The following UBE2O variants were observed in gnomAD, a reference collection of about 807,000 sequenced individuals.
The protein encoded by UBE2O is ubiquitin conjugating enzyme E2 O.
UBE2O carries 15 observed loss-of-function variants against 125.8 expected under a neutral mutation model. The ratio of observed to expected loss-of-function variants is 0.12; its 90% CI spans 0.08 to 0.18. The LOEUF (loss-of-function observed/expected upper bound fraction) is 0.18, where lower values mean the gene tolerates loss of function less well. Among genes scored for constraint, UBE2O ranks in the 10% least tolerant of loss-of-function variants. UBE2O has a pLI of 1.00. For missense variants in UBE2O, 1,280 were observed against 1,723.6 expected, an observed-to-expected ratio of 0.74 and a Z score of 4.56; for synonymous variants, 708 against 703.2, an observed-to-expected ratio of 1.01 and a Z score of -0.11.
rs988064731 is a variant in UBE2O at position 76,443,512 on chromosome 17, C to A, written c.417+9213G>T. Among the ~76,000 whole-genome samples the A allele has an allele frequency of 2.6e-5, 4 of 152,274 alleles. No homozygotes were observed. The South Asian group carries it at 8.3e-4, about 32-fold the overall frequency. On this transcript the variant is annotated intron_variant, in intron 1 of 17. Coordinates refer to ENST00000319380, the MANE Select transcript of UBE2O (RefSeq NM_022066.4). The stretch of plus-strand genomic sequence containing the variant: ...CCATGTTGGCCAGGCTGGTCTCGAA[C>A]TCCTGACCTCAAGTGATCCACCCAC...
chr17:76,411,346 T>C (rs535400155), intron 1 of UBE2O, among the ~76,000 whole-genome samples: 1 of 152,304 alleles, frequency 6.6e-6, no homozygotes, highest in South Asian at 2.1e-4. Context: ...CATGTCCCTG[T>C]AGGAGCGGAT....
intron 1 of UBE2O, among the ~76,000 whole-genome samples, chr17:76,428,214 T>C (rs2072843077): frequency 6.6e-6 from 1 of 152,218 alleles, no homozygotes; most frequent in African/African-American, 2.4e-5. Context: ...GTGACCCGTT[T>C]TTGCTCTTCG....
intron 1 of UBE2O, among the ~76,000 whole-genome samples, chr17:76,417,871 T>C (rs533104181): frequency 1.3e-5 from 2 of 152,304 alleles, no homozygotes; most frequent in East Asian, 1.9e-4. Flanking sequence ...ACCTGCAGAA[T>C]TGGGCAGAAA....
At chr17:76,434,774 C>CATTTT (rs1024634719) in intron 1 of UBE2O, among the ~76,000 whole-genome samples, 17 of 139,140 alleles carry the variant, frequency 1.2e-4, no homozygotes, top group African/African-American at 4.4e-4. Flanking sequence ...TTCACTTAAG[C>CATTTT]TTTTTTTTTT....
intron 1 of UBE2O, among the ~76,000 whole-genome samples, chr17:76,412,800 G>C (rs1198259350): frequency 2.0e-5 from 3 of 152,206 alleles, no homozygotes; most frequent in Non-Finnish European, 2.9e-5. Context: ...ACAAGGTCAG[G>C]AGTTCGAGAC....
intron 1 of UBE2O, among the ~76,000 whole-genome samples, chr17:76,424,916 G>C (rs1194473881): frequency 6.7e-6 from 1 of 149,136 alleles, no homozygotes; most frequent in Non-Finnish European, 1.5e-5. Flanking sequence ...TGTCACCCAG[G>C]CTGGAGTGCA....
intron 3 of UBE2O, among the ~76,000 whole-genome samples, chr17:76,403,902 C>G (rs2072373925): frequency 6.6e-6 from 1 of 152,076 alleles, no homozygotes; most frequent in African/African-American, 2.4e-5. Context: ...GAAGGGGTTC[C>G]CACTGGCTAA....
rs749991958 is a variant in UBE2O, at chr17:76,395,003, G to A, written c.2946+722C>T. Among the ~76,000 whole-genome samples the A allele has an allele frequency of 6.6e-6, 1 of 151,756 alleles. No homozygotes were observed. The highest frequency in any genetic ancestry group is 1.5e-5 in the Non-Finnish European group (1 of 67,988). ...TGATTCTCCTGCCTCAGTCTCCCGAGTAGCTGGGATTACTGGCACCCGCCA... is the reference window on the plus strand; with the variant it reads ...TGATTCTCCTGCCTCAGTCTCCCGAATAGCTGGGATTACTGGCACCCGCCA... On this transcript the variant is annotated intron_variant, in intron 15 of 17. Transcript: ENST00000319380. The surrounding 1 kb of genome is among the most constrained non-coding windows in gnomAD (Gnocchi z 5.0).
At chr17:76,446,452 CA>C (rs2073152547) in intron 1 of UBE2O, among the ~76,000 whole-genome samples, 2 of 122,240 alleles carry the variant, frequency 1.6e-5, no homozygotes, top group African/African-American at 6.9e-5. Flanking sequence ...AATGAAAAAA[CA>C]AAAACAAACA....
chr17:76,400,415 G>C lies in UBE2O; in HGVS notation c.1004+26C>G, dbSNP rs772084879. ...AGCCCTGTCCCACGCGTGCCCCTGG[G>C]TTGCTGGCAGTAAGGGCATGCTTAC... On this transcript the variant is annotated intron_variant, in intron 7 of 17. Coordinates refer to ENST00000319380, the MANE Select transcript of UBE2O (RefSeq NM_022066.4). This position sits in a 1 kb window ranked among gnomAD's most constrained non-coding sequence, Gnocchi z 4.3. 29 of 1,602,738 alleles carry C rather than the reference G, an allele frequency of 1.8e-5. No individual in the cohort carries two copies. The highest frequency in any genetic ancestry group is 2.4e-5 in the Non-Finnish European group (28 of 1,173,090).
intron 1 of UBE2O, among the ~76,000 whole-genome samples, chr17:76,426,441 T>A (rs2072811670): frequency 6.6e-6 from 1 of 152,250 alleles, no homozygotes; most frequent in African/African-American, 2.4e-5. Flanking sequence ...TTCATTGTGA[T>A]CCATGTGGAT....
At chr17:76,403,460 T>A (rs1430611746) in intron 3 of UBE2O, among the ~76,000 whole-genome samples, 2 of 151,972 alleles carry the variant, frequency 1.3e-5, no homozygotes, top group East Asian at 1.9e-4. Flanking sequence ...TTGGTTGAGA[T>A]GGGGTTTCGC....
chr17:76,441,547 AAAACTGAACCCATTGACATC>A (rs1401826638), intron 1 of UBE2O, among the ~76,000 whole-genome samples: 20 of 152,206 alleles, frequency 1.3e-4, no homozygotes, highest in African/African-American at 4.8e-4. Context: ...AAGACGTACT[AAAACTGAACCCATTGACATC>A]AACGAGGTTT....
In UBE2O at chr17:76,405,407, G is replaced by T; in HGVS notation, c.478-91C>A. 1 of 1,505,450 alleles carries T rather than the reference G, an allele frequency of 6.6e-7. No individual in the cohort carries two copies. Among genetic ancestry groups the T allele is most frequent in the Non-Finnish European group, 9.1e-7 (1 of 1,099,014 alleles). The allele number at this position is 1,505,450 out of a possible 1,614,324, so 93.3% of individuals were successfully genotyped here. ...CCCAGGCAACCCCAGCGCACCCCCT[G>T]CAGAGCTGGCCAGTTCTCCCACATG... On this transcript the variant is annotated intron_variant, in intron 2 of 17. Coordinates refer to ENST00000319380, the MANE Select transcript of UBE2O (RefSeq NM_022066.4). This position sits in a 1 kb window ranked among gnomAD's most constrained non-coding sequence, Gnocchi z 6.1.
In UBE2O at chr17:76,396,533, C is replaced by T. The variant is rs769730793; in HGVS notation, c.2404G>A (p.Ala802Thr). 2 of 1,613,126 alleles carry T rather than the reference C, an allele frequency of 1.2e-6. No homozygotes were observed. The highest frequency in any genetic ancestry group is 1.7e-6 in the Non-Finnish European group (2 of 1,179,688). The stretch of plus-strand genomic sequence containing the variant: ...CTCTTGGGTGGCCCGTCCTTGCCAG[C>T]CTTCTCCATCAGCCCGGCCATGGGG... ...AAPMAGLMEK[A>T]GKDGPPKSFR... The change falls in exon 14 of 18, where the codon GCT becomes ACT. Residue 802 changes from alanine (A) to threonine (T), a missense_variant. By Grantham distance (58) the Ala-to-Thr change is moderately conservative (BLOSUM62 0). Around this residue, in one of 10 missense-constraint regions of UBE2O, gnomAD observed 210 missense variants for 268.9 expected, o/e 0.78. Transcript: ENST00000319380. This position sits in a 1 kb window ranked among gnomAD's most constrained non-coding sequence, Gnocchi z 6.7.
At position 76,435,960 on chromosome 17, in the gene UBE2O, C is replaced by T. The variant is rs143081034; in HGVS notation, c.417+16765G>A. Among the ~76,000 whole-genome samples, 362 of 152,342 alleles carry T rather than the reference C, an allele frequency of 2.4e-3. 6 individuals are homozygous for T. Among genetic ancestry groups the T allele is most frequent in the African/African-American group, 7.7e-3 (320 of 41,586 alleles). ...AGATGTCACATCAAATTCTCATCAT[C>T]GTTAGGCCCCGTGCGGTGGCTCACG... On this transcript the variant is annotated intron_variant, in intron 1 of 17. Transcript: ENST00000319380.
chr17:76,445,165 C>G (rs1225876798), intron 1 of UBE2O, among the ~76,000 whole-genome samples: 1 of 152,096 alleles, frequency 6.6e-6, no homozygotes, highest in Non-Finnish European at 1.5e-5. Flanking sequence ...CAGGAAATCT[C>G]TCTGTCAGTG....
intron 1 of UBE2O, among the ~76,000 whole-genome samples, chr17:76,438,598 T>C (rs561332324): frequency 2.6e-5 from 4 of 152,284 alleles, no homozygotes; most frequent in African/African-American, 9.6e-5. Flanking sequence ...ACCTCACTAC[T>C]CTAATAATTG....
At chr17:76,401,282 TA>T in intron 5 of UBE2O, 128 bp from the exon 6 acceptor site, 2 of 1,110,356 alleles carry the variant, frequency 1.8e-6, no homozygotes, top group Non-Finnish European at 2.5e-6. Flanking sequence ...CCACACGCCC[TA>T]AAACAAGTCC....
Sources: gnomAD v4.1 joint callset for allele counts (sites outside exome capture counted in the v4.1 genomes callset) on GRCh38, gnomAD v4.1.1 for gene constraint, gnomAD v4.1.1 regional missense constraint, Gnocchi (gnomAD v3.1) non-coding constraint, MANE v1.5 for transcripts, NCBI Gene and HGNC (gene_info 2026-07-23, HGNC 2026-07-21) for gene names.